Variants in DLGAP1 observed in about 807,000 individuals in gnomAD.
DLGAP1 encodes the protein DLG associated protein 1.
DLGAP1 carries 11 observed loss-of-function variants against 90.8 expected under a neutral mutation model. That is an observed-to-expected ratio of 0.12 (90% CI 0.08 to 0.20). The LOEUF (loss-of-function observed/expected upper bound fraction) is 0.20. Among genes scored for constraint, DLGAP1 ranks in the 10% least tolerant of loss-of-function variants. The pLI, the probability that DLGAP1 is intolerant of heterozygous loss-of-function variation, is 1.00. For missense variants in DLGAP1, 1,050 were observed against 1,333.8 expected (o/e 0.79, Z 3.31); for synonymous variants, 558 against 540.7 (o/e 1.03, Z -0.44).
At chr18:3,951,568 A>T (rs2072985355) in intron 3 of DLGAP1, among the ~76,000 whole-genome samples, 3 of 152,238 alleles carry the variant, frequency 2.0e-5, no homozygotes, top group Admixed American at 2.0e-4. Context: ...TCTGGTTTAC[A>T]GAGAAGAAAA....
At position 4,455,145 on chromosome 18, in the gene DLGAP1, A is replaced by G. The variant is rs903793687; in HGVS notation, c.-406T>C. The stretch of plus-strand genomic sequence containing the variant: ...CGGGAAGGACTCGAGAGAGGAGCCG[A>G]GGCGGCGGCGGCCGTTCGCGCCGCC... On this transcript the variant is annotated 5_prime_UTR_variant, in exon 1 of 13. Coordinates refer to ENST00000315677, the MANE Select transcript of DLGAP1 (RefSeq NM_004746.4). 2 of 151,566 alleles carry G rather than the reference A, an allele frequency of 1.3e-5. No individual in the cohort carries two copies. Among genetic ancestry groups the G allele is most frequent in the Non-Finnish European group, 2.9e-5 (2 of 67,932 alleles). 9.4% of individuals were successfully genotyped at this position (151,566 alleles called of 1,614,324 possible). A position where few individuals can be genotyped will look rare whatever the true frequency, so the allele number is the denominator to read the frequency against.
intron 7 of DLGAP1, among the ~76,000 whole-genome samples, chr18:3,593,423 A>C (rs2056390956): frequency 6.6e-6 from 1 of 152,246 alleles, no homozygotes; most frequent in South Asian, 2.1e-4. Context: ...GAGAAGGCAG[A>C]GATCAGAGGC....
intron 1 of DLGAP1, among the ~76,000 whole-genome samples, chr18:4,388,891 A>G (rs907481149): frequency 5.3e-5 from 8 of 152,200 alleles, no homozygotes; most frequent in African/African-American, 1.9e-4. Context: ...GAGAAACTGG[A>G]GCCCTTGTCT....
chr18:3,813,397 G>GT (rs1481172949), intron 5 of DLGAP1, among the ~76,000 whole-genome samples: 3 of 152,148 alleles, frequency 2.0e-5, no homozygotes, highest in African/African-American at 7.2e-5. Context: ...CTAAGTTTTT[G>GT]TAAGTGTACT....
At chr18:3,582,340 T>A in intron 7 of DLGAP1, 92 bp from the exon 8 acceptor site, 2 of 1,512,202 alleles carry the variant, frequency 1.3e-6, no homozygotes, top group Non-Finnish European at 1.8e-6. Flanking sequence ...TTAGGGCACA[T>A]GAAACACACT....
At chr18:4,020,883 A>G (rs2074597567) in intron 2 of DLGAP1, among the ~76,000 whole-genome samples, 1 of 152,142 alleles carries the variant, frequency 6.6e-6, no homozygotes, top group Admixed American at 6.5e-5. Flanking sequence ...TGTAAACCCT[A>G]AGATCAGTGC....
intron 1 of DLGAP1, among the ~76,000 whole-genome samples, chr18:4,400,794 A>G (rs1243621908): frequency 6.6e-6 from 1 of 152,200 alleles, no homozygotes; most frequent in Non-Finnish European, 1.5e-5. Context: ...ATGTGCATGT[A>G]TAACAACCTC....
chr18:3,563,522 T>G lies in DLGAP1; in HGVS notation c.2057+3968A>C, dbSNP rs181798488. ...TTCGCTCTTGTTGCCCAGGCTGGAGTGCAGTGGCACGATCTCGGCTCACCA... is the reference window on the plus strand; with the variant it reads ...TTCGCTCTTGTTGCCCAGGCTGGAGGGCAGTGGCACGATCTCGGCTCACCA... On this transcript the variant is annotated intron_variant, in intron 9 of 12. Transcript: ENST00000315677. Among the ~76,000 whole-genome samples, 17 of 151,798 alleles carry G rather than the reference T, an allele frequency of 1.1e-4. No individual in the cohort carries two copies. In the Middle Eastern group the frequency reaches 0.01, roughly 91 times the overall value.
intron 2 of DLGAP1, among the ~76,000 whole-genome samples, chr18:4,057,334 T>C (rs11659423): frequency 0.41 from 61,600 of 152,020 alleles, 13,600 homozygotes; most frequent in Non-Finnish European, 0.49. Context: ...CTTTAACTGG[T>C]ATATGACCTT....
chr18:4,204,605 A>G (rs978224015), intron 1 of DLGAP1, among the ~76,000 whole-genome samples: 6 of 152,054 alleles, frequency 3.9e-5, no homozygotes, highest in African/African-American at 1.4e-4. Context: ...AAATCCAGGC[A>G]AAGTGTTTTA....
At chr18:3,838,633 G>A (rs938323648) in intron 4 of DLGAP1, among the ~76,000 whole-genome samples, 5 of 152,142 alleles carry the variant, frequency 3.3e-5, no homozygotes, top group African/African-American at 1.2e-4. Flanking sequence ...TAACTCATTA[G>A]TGATATATTT....
chr18:3,583,682 T>A (rs1260511266), intron 7 of DLGAP1, among the ~76,000 whole-genome samples: 1 of 152,138 alleles, frequency 6.6e-6, no homozygotes, highest in Non-Finnish European at 1.5e-5. Flanking sequence ...GTGTGGTGGC[T>A]CTCGCCTGTA....
intron 10 of DLGAP1, among the ~76,000 whole-genome samples, chr18:3,519,389 C>T (rs2051035061): frequency 6.6e-6 from 1 of 152,164 alleles, no homozygotes; most frequent in Admixed American, 6.5e-5. Flanking sequence ...TTCACTGCTG[C>T]CCGTTAGTCC....
chr18:3,538,375 C>CA (rs112805068), intron 9 of DLGAP1, among the ~76,000 whole-genome samples: 4,710 of 102,678 alleles, frequency 0.046, 212 homozygotes, highest in African/African-American at 0.13. Context: ...TCAAATGAGC[C>CA]AAAAAAAAAA....
Position 4,088,293 on chromosome 18 carries a change from T to C in DLGAP1, c.-159+62887A>G, listed in dbSNP as rs112712096. Among the ~76,000 whole-genome samples, 552 of 152,310 alleles carry C rather than the reference T, an allele frequency of 3.6e-3. 1 individual carries two copies. The highest frequency in any genetic ancestry group is 0.012 in the African/African-American group (494 of 41,558). ...TCTCTGATCTTTTGTGCTGCTGTTG[T>C]CAAAAATTTTACCTTTACATATGCT... On this transcript the variant is annotated intron_variant, in intron 2 of 12. Transcript: ENST00000315677.
intron 4 of DLGAP1, among the ~76,000 whole-genome samples, chr18:3,862,517 G>C (rs556283672): frequency 6.7e-6 from 1 of 149,256 alleles, no homozygotes; most frequent in Non-Finnish European, 1.5e-5. Context: ...CTGATGGTGA[G>C]GGAGGTACAA....
chr18:3,997,893 T>C (rs1338456471), intron 3 of DLGAP1, among the ~76,000 whole-genome samples: 1 of 152,162 alleles, frequency 6.6e-6, no homozygotes, highest in Non-Finnish European at 1.5e-5. Flanking sequence ...ATTTTACGTG[T>C]ACAGAACATC....
At chr18:4,024,203 T>G (rs1469273663) in intron 2 of DLGAP1, among the ~76,000 whole-genome samples, 1 of 152,238 alleles carries the variant, frequency 6.6e-6, no homozygotes, top group Non-Finnish European at 1.5e-5. Context: ...GTTCAGCTCT[T>G]TTCTTAAATC....
chr18:3,580,056 C>T (rs1203276316), intron 8 of DLGAP1: 1 of 689,788 alleles, frequency 1.4e-6, no homozygotes, highest in Non-Finnish European at 2.5e-6. Flanking sequence ...TTAAAAGCAC[C>T]TCATGTTTGA....
Sources: allele counts gnomAD v4.1 joint callset (sites outside exome capture counted in the v4.1 genomes callset), GRCh38; gene constraint gnomAD v4.1.1; transcripts MANE v1.5; gene names NCBI Gene and HGNC (gene_info 2026-07-23, HGNC 2026-07-21).